SSH1: variants seen among roughly 807,000 people sequenced by gnomAD.
SSH1 encodes slingshot protein phosphatase 1.
In SSH1, 43 loss-of-function variants were observed where a neutral mutation model predicts 79.7. That is an observed-to-expected ratio of 0.54 (90% CI 0.42 to 0.70). SSH1 has a LOEUF of 0.70. Among genes scored for constraint, SSH1 ranks in the 30% least tolerant of loss-of-function variants. SSH1 has a pLI of 0.00. For missense variants in SSH1, 1,206 were observed against 1,358.8 expected, an observed-to-expected ratio of 0.89 and a Z score of 1.77; for synonymous variants, 599 against 538.3, an observed-to-expected ratio of 1.11 and a Z score of -1.56.
rs747815128 is a variant in SSH1, at chr12:108,823,304, G to A, written c.168C>T (p.Ser56=). ...GAAGACTCCGCTGGCCTTGAGGGCT[G>A]CTTCCCTGTTGTAAGAAGAGGGCTG... ...KGAALFLQQG[S]SPQGQRSLQH... The change falls in exon 3 of 15, where the codon AGC becomes AGT. Residue 56 remains serine, a synonymous_variant. Coordinates refer to ENST00000326495, the MANE Select transcript of SSH1 (RefSeq NM_018984.4). The A allele has an allele frequency of 8.2e-6, 13 of 1,589,924 alleles. 1 individual carries two copies. The South Asian group carries it at 1.4e-4, about 17-fold the overall frequency.
At chr12:108,791,801 A>G in intron 14 of SSH1, 1 of 338,616 alleles carries the variant, frequency 3.0e-6, no homozygotes, top group Non-Finnish European at 4.5e-6. Context: ...TATAATATAT[A>G]TTTTTTAGAT....
Position 108,840,816 on chromosome 12 carries a change from G to A in SSH1, c.110+11822C>T, listed in dbSNP as rs146671975. Among the ~76,000 whole-genome samples, 17 of 152,288 alleles carry A rather than the reference G, an allele frequency of 1.1e-4. No homozygotes were observed. In the East Asian group the frequency reaches 2.5e-3, roughly 22 times the overall value. On this transcript the variant is annotated intron_variant, in intron 2 of 14. Coordinates refer to ENST00000326495, the MANE Select transcript of SSH1 (RefSeq NM_018984.4). ...GCAGACGCGGCAGGCTAAGCCCTGC[G>A]GAGGAGGAGGTGAGTCCCAGCAGAG...
At chr12:108,839,079 G>A (rs1406463485) in intron 2 of SSH1, among the ~76,000 whole-genome samples, 1 of 152,166 alleles carries the variant, frequency 6.6e-6, no homozygotes, top group Non-Finnish European at 1.5e-5. Flanking sequence ...TTACCCCTGA[G>A]GGATAAGGAC....
In SSH1 at chr12:108,798,985, C is replaced by A; in HGVS notation, c.1349+15G>T. On this transcript the variant is annotated intron_variant, in intron 13 of 14. Transcript: ENST00000326495. The stretch of plus-strand genomic sequence containing the variant: ...AGCTCCGCCTGCCAACCCTTCTCTC[C>A]AGGCAGGCACCCACCTTGCATCCAA... The A allele has an allele frequency of 6.2e-7, 1 of 1,611,052 alleles. No individual in the cohort carries two copies. The highest frequency in any genetic ancestry group is 2.2e-5 in the East Asian group (1 of 44,890).
intron 14 of SSH1, chr12:108,792,083 C>G: frequency 6.8e-7 from 1 of 1,461,734 alleles, no homozygotes; most frequent in Non-Finnish European, 9.0e-7. Flanking sequence ...GTATGCACTA[C>G]GTACCCACCA....
intron 3 of SSH1, among the ~76,000 whole-genome samples, chr12:108,819,655 C>T (rs2038042151): frequency 6.6e-6 from 1 of 152,018 alleles, no homozygotes; most frequent in Admixed American, 6.6e-5. Context: ...ATGGCAAGAC[C>T]CCATCTCTAC....
rs1396992513 is a variant in SSH1 at position 108,785,744 on chromosome 12, T to A, written c.*2244A>T. The A allele has an allele frequency of 6.9e-6, 1 of 145,112 alleles. No individual in the cohort carries two copies. Among genetic ancestry groups the A allele is most frequent in the East Asian group, 1.9e-4 (1 of 5,180 alleles). 9.0% of individuals were successfully genotyped at this position (145,112 alleles called of 1,614,324 possible). On this transcript the variant is annotated 3_prime_UTR_variant, in exon 15 of 15. Transcript: ENST00000326495. Reference sequence around the variant, plus strand: ...AGTTTTCAAAAATATATCATTCTCATACATAGACGTGGTTAAAAAACCAAC... The same window carrying A: ...AGTTTTCAAAAATATATCATTCTCAAACATAGACGTGGTTAAAAAACCAAC...
chr12:108,826,670 G>A (rs557682171), intron 2 of SSH1, among the ~76,000 whole-genome samples: 38 of 152,222 alleles, frequency 2.5e-4, no homozygotes, highest in Non-Finnish European at 4.0e-4. Context: ...AGCCTCATGC[G>A]CCCTCTGCGT....
At chr12:108,847,328 G>A (rs1367422471) in intron 2 of SSH1, among the ~76,000 whole-genome samples, 1 of 152,206 alleles carries the variant, frequency 6.6e-6, no homozygotes, top group Non-Finnish European at 1.5e-5. Flanking sequence ...TCAGCCACCA[G>A]CACAGGAGCC....
intron 1 of SSH1, among the ~76,000 whole-genome samples, chr12:108,855,351 G>A (rs1288943428): frequency 6.6e-6 from 1 of 152,164 alleles, no homozygotes; most frequent in African/African-American, 2.4e-5. Context: ...GGCAGGGGGA[G>A]GCTGCAGGTG....
At chr12:108,855,131 A>G (rs985751441) in intron 1 of SSH1, among the ~76,000 whole-genome samples, 1 of 152,252 alleles carries the variant, frequency 6.6e-6, no homozygotes, top group African/African-American at 2.4e-5. Context: ...TGGTACATCC[A>G]TACAATGGAG....
At chr12:108,808,018 A>G (rs2137081475) in intron 7 of SSH1, among the ~76,000 whole-genome samples, 191 bp from the exon 8 acceptor site, 1 of 152,218 alleles carries the variant, frequency 6.6e-6, no homozygotes, top group African/African-American at 2.4e-5. Flanking sequence ...GCCCAATGCA[A>G]TCTCCGCCTC....
At chr12:108,829,414 C>T (rs977320146) in intron 2 of SSH1, among the ~76,000 whole-genome samples, 25 of 152,184 alleles carry the variant, frequency 1.6e-4, no homozygotes, top group Admixed American at 7.2e-4. Flanking sequence ...CATATATACT[C>T]TGATTAACCC....
intron 2 of SSH1, among the ~76,000 whole-genome samples, chr12:108,837,491 CT>C (rs571172204): frequency 1.7e-3 from 252 of 152,284 alleles, no homozygotes; most frequent in Admixed American, 3.2e-3. Flanking sequence ...ATGCCCTGGT[CT>C]GTATTCCAAG....
intron 1 of SSH1, chr12:108,853,108 A>G (rs908609645): frequency 8.1e-6 from 8 of 985,258 alleles, no homozygotes; most frequent in Non-Finnish European, 9.6e-6. Flanking sequence ...GATGAACACC[A>G]TTTTCAAAAA....
chr12:108,819,442 AG>A (rs1565999657), intron 3 of SSH1, among the ~76,000 whole-genome samples: 1 of 152,244 alleles, frequency 6.6e-6, no homozygotes, highest in Non-Finnish European at 1.5e-5. Context: ...AGTAAGTAGC[AG>A]GTGTGACTCC....
At chr12:108,797,996 A>G (rs2036825467) in intron 13 of SSH1, among the ~76,000 whole-genome samples, 1 of 152,370 alleles carries the variant, frequency 6.6e-6, no homozygotes. Context: ...AAGGAGTATT[A>G]TAACACACCC....
intron 5 of SSH1, among the ~76,000 whole-genome samples, chr12:108,813,026 C>A (rs1273272086): frequency 6.6e-6 from 1 of 151,928 alleles, no homozygotes; most frequent in Non-Finnish European, 1.5e-5. Context: ...CTATGCCCAG[C>A]TTTTTAAAAA....
rs1388966650 is a variant in SSH1 at position 108,807,391 on chromosome 12, G to T, written c.731+242C>A. ...ATGGGAGTTACGGACCCCGTCCCCA[G>T]AAATGCATTCACCAAATTCATCAGT... On this transcript the variant is annotated intron_variant, in intron 8 of 14. Coordinates refer to ENST00000326495, the MANE Select transcript of SSH1 (RefSeq NM_018984.4). This position sits in a 1 kb window ranked among gnomAD's most constrained non-coding sequence, Gnocchi z 5.2. 1.3e-5 allele frequency among the ~76,000 whole-genome samples: 2 copies of T among 151,376 alleles called. No homozygotes were observed. The highest frequency in any genetic ancestry group is 2.9e-5 in the Non-Finnish European group (2 of 67,924).
Sources: allele counts gnomAD v4.1 joint callset (sites outside exome capture counted in the v4.1 genomes callset), GRCh38; gene constraint gnomAD v4.1.1; non-coding constraint Gnocchi (gnomAD v3.1); transcripts MANE v1.5; gene names NCBI Gene and HGNC (gene_info 2026-07-23, HGNC 2026-07-21).